Variants in RHOT1 observed in about 807,000 individuals in gnomAD.
The protein encoded by RHOT1 is mitochondrial Rho GTPase 1.
Under a neutral mutation model 95.3 loss-of-function variants are expected in RHOT1, and 27 were observed. The ratio of observed to expected loss-of-function variants is 0.28; its 90% confidence interval spans 0.21 to 0.39. The LOEUF (loss-of-function observed/expected upper bound fraction) is 0.39. RHOT1 is among the 10% of genes least tolerant of loss of function. The pLI, the probability that RHOT1 is intolerant of heterozygous loss-of-function variation, is 1.00. For missense variants in RHOT1, 578 were observed against 786.7 expected, an observed-to-expected ratio of 0.73 and a Z score of 3.17; for synonymous variants, 227 against 263.5, an observed-to-expected ratio of 0.86 and a Z score of 1.34.
intron 18 of RHOT1, among the ~76,000 whole-genome samples, chr17:32,209,918 G>A (rs1375590530): frequency 6.7e-6 from 1 of 150,202 alleles, no homozygotes; most frequent in Admixed American, 6.7e-5. Context: ...TAGTAGCAGT[G>A]ATTTGTTCAT....
chr17:32,198,932 G>T lies in RHOT1; in HGVS notation c.870-15G>T. The T allele has an allele frequency of 6.5e-7, 1 of 1,543,366 alleles. No homozygotes were observed. The highest frequency in any genetic ancestry group is 1.2e-5 in the South Asian group (1 of 85,906). On this transcript the variant is annotated splice_polypyrimidine_tract_variant and intron_variant, in intron 11 of 19. Transcript: ENST00000545287. Reference sequence around the variant, plus strand: ...TTGATTAATGATTTATTTTACTCTTGAATTTTTTCAACAGGCTGAAAATAC... The same window carrying T: ...TTGATTAATGATTTATTTTACTCTTTAATTTTTTCAACAGGCTGAAAATAC...
chr17:32,145,305 A>G (rs2031147855), intron 1 of RHOT1, among the ~76,000 whole-genome samples: 1 of 151,590 alleles, frequency 6.6e-6, no homozygotes, highest in Non-Finnish European at 1.5e-5. Flanking sequence ...GTCTCAAAAA[A>G]TATATATATA....
At chr17:32,168,132 T>G (rs2034254084) in intron 1 of RHOT1, among the ~76,000 whole-genome samples, 6 of 152,112 alleles carry the variant, frequency 3.9e-5, no homozygotes, top group Admixed American at 2.6e-4. Context: ...AAGATTCCTT[T>G]CAAAATATTA....
intron 15 of RHOT1, 107 bp downstream of exon 15, chr17:32,203,007 A>G (rs755734332): frequency 3.6e-5 from 38 of 1,068,532 alleles, no homozygotes; most frequent in Non-Finnish European, 4.7e-5. Context: ...TTAGAACTCA[A>G]TGGCCTGTAT....
At chr17:32,171,325 A>G (rs8074568) in intron 2 of RHOT1, among the ~76,000 whole-genome samples, 412 of 151,996 alleles carry the variant, frequency 2.7e-3, no homozygotes, top group African/African-American at 9.3e-3. Context: ...GACTCAAGCA[A>G]TCCTCCTGTC....
intron 19 of RHOT1, among the ~76,000 whole-genome samples, chr17:32,223,720 T>G (rs2038976243): frequency 6.6e-6 from 1 of 152,138 alleles, no homozygotes. Context: ...GGCCAATTTT[T>G]TAAGTTTTCT....
At chr17:32,154,460 G>A (rs1004751856) in intron 1 of RHOT1, among the ~76,000 whole-genome samples, 2 of 151,464 alleles carry the variant, frequency 1.3e-5, no homozygotes, top group African/African-American at 4.9e-5. Flanking sequence ...GGTGGCAGGC[G>A]CCTGTAGTCC....
At position 32,193,225 on chromosome 17, in the gene RHOT1, C is replaced by G; in HGVS notation, c.729C>G (p.Asp243Glu). The change falls in exon 10 of 20, where the codon GAC becomes GAG. Residue 243 changes from aspartate (D) to glutamate (E), a missense_variant. Physicochemically the swap from Asp to Glu is conservative, Grantham distance 45. This residue lies in a region of RHOT1 where 227 missense variants were observed against 316.0 expected (regional missense o/e 0.72). Coordinates refer to ENST00000545287, the MANE Select transcript of RHOT1 (RefSeq NM_001033566.3). The part of the protein sequence containing the change: ...VRKHISDGVA[D>E]SGLTLKGFLF... Reference sequence around the variant, plus strand: ...AACATATAAGTGATGGTGTGGCTGACAGTGGGTTGACCCTGAAAGGTGGGT... The same window carrying G: ...AACATATAAGTGATGGTGTGGCTGAGAGTGGGTTGACCCTGAAAGGTGGGT... 10 of 1,611,758 alleles carry G rather than the reference C, an allele frequency of 6.2e-6. No individual in the cohort carries two copies. The highest frequency in any genetic ancestry group is 7.6e-6 in the Non-Finnish European group (9 of 1,178,086).
chr17:32,164,796 G>T (rs1304419538), intron 1 of RHOT1, among the ~76,000 whole-genome samples: 1 of 151,918 alleles, frequency 6.6e-6, no homozygotes, highest in Non-Finnish European at 1.5e-5. Flanking sequence ...ATCCTGGAAG[G>T]TCAAAACTTC....
chr17:32,206,483 G>T (rs1222101262), intron 16 of RHOT1, among the ~76,000 whole-genome samples: 1 of 85,484 alleles, frequency 1.2e-5, no homozygotes, highest in Non-Finnish European at 2.1e-5. Context: ...ACTGAGTCTT[G>T]CTCTGTCGCC....
intron 9 of RHOT1, 53 bp downstream of exon 9, chr17:32,192,352 TTGCTGAAA>T (rs1238270839): frequency 2.1e-6 from 2 of 945,138 alleles, no homozygotes; most frequent in African/African-American, 1.7e-5. Context: ...TTTTTTTTTT[TTGCTGAAA>T]GCTGTAAAAT....
At chr17:32,218,378 A>T (rs1006805352) in intron 19 of RHOT1, among the ~76,000 whole-genome samples, 2 of 151,962 alleles carry the variant, frequency 1.3e-5, no homozygotes, top group Non-Finnish European at 2.9e-5. Flanking sequence ...GTGATGGCTC[A>T]CACCTGTGGT....
At position 32,158,469 on chromosome 17, in the gene RHOT1, T is replaced by C. The variant is rs147678137; in HGVS notation, c.38-12574T>C. On this transcript the variant is annotated intron_variant, in intron 1 of 19. Coordinates refer to ENST00000545287, the MANE Select transcript of RHOT1 (RefSeq NM_001033566.3). ...AGACAGAGTCTCCCTCTGTCGTCGT[T>C]TTTTGAGACAGAGTCTTGCTCTGTC... Among the ~76,000 whole-genome samples, 4 of 152,156 alleles carry C rather than the reference T, an allele frequency of 2.6e-5. No homozygotes were observed. In the East Asian group the frequency reaches 7.7e-4, roughly 29 times the overall value.
intron 19 of RHOT1, among the ~76,000 whole-genome samples, chr17:32,218,186 G>A (rs1418492434): frequency 6.6e-6 from 1 of 151,712 alleles, no homozygotes; most frequent in Admixed American, 6.6e-5. Flanking sequence ...TTTTTAAGTG[G>A]AATATTTGAA....
intron 8 of RHOT1, among the ~76,000 whole-genome samples, chr17:32,183,882 C>T (rs1056863361): frequency 8.5e-5 from 13 of 152,288 alleles, no homozygotes; most frequent in African/African-American, 2.4e-4. Flanking sequence ...GACAGGGTTT[C>T]ACCATATTGC....
chr17:32,185,547 C>T (rs1464948258), intron 8 of RHOT1, among the ~76,000 whole-genome samples: 1 of 152,012 alleles, frequency 6.6e-6, no homozygotes. Flanking sequence ...GTTGGGATCA[C>T]ACCTGTGTGC....
At chr17:32,171,020 A>C in intron 1 of RHOT1, 23 bp from the exon 2 acceptor site, 2 of 1,575,928 alleles carry the variant, frequency 1.3e-6, no homozygotes, top group Non-Finnish European at 1.7e-6. Flanking sequence ...ACTTTATTAA[A>C]GTAACGATTT....
intron 1 of RHOT1, among the ~76,000 whole-genome samples, chr17:32,162,300 A>G (rs2033638777): frequency 6.6e-6 from 1 of 152,204 alleles, no homozygotes; most frequent in South Asian, 2.1e-4. Flanking sequence ...AGACACTCCT[A>G]TCATATAGGA....
chr17:32,181,686 G>A (rs1387227295), intron 6 of RHOT1, among the ~76,000 whole-genome samples: 1 of 152,056 alleles, frequency 6.6e-6, no homozygotes, highest in East Asian at 1.9e-4. Flanking sequence ...AGCAAATAGA[G>A]ACATTATTTT....
Sources: allele counts gnomAD v4.1 joint callset (sites outside exome capture counted in the v4.1 genomes callset), GRCh38; gene constraint gnomAD v4.1.1; regional missense constraint gnomAD v4.1.1; transcripts MANE v1.5; gene names NCBI Gene and HGNC (gene_info 2026-07-23, HGNC 2026-07-21).